The following CNIH3 variants were observed in gnomAD, a reference collection of about 807,000 sequenced individuals.
The protein encoded by CNIH3 is cornichon family AMPA receptor auxiliary protein 3.
CNIH3 carries 14 observed loss-of-function variants against 24.1 expected under a neutral mutation model. The ratio of observed to expected loss-of-function variants is 0.58; its 90% CI spans 0.38 to 0.91. The LOEUF is 0.91. Ranked by LOEUF, CNIH3 falls within the 40% of genes least tolerant of loss-of-function variation. CNIH3 has a pLI of 0.00. For synonymous variants in CNIH3, 68 were observed against 73.8 expected (o/e 0.92, Z 0.40); for missense variants, 178 against 196.8 (o/e 0.90, Z 0.57).
At chr1:224,560,092 T>C (rs918793109) in intron 3 of CNIH3, among the ~76,000 whole-genome samples, 1 of 152,242 alleles carries the variant, frequency 6.6e-6, no homozygotes, top group Admixed American at 6.5e-5. Context: ...TTCACTATGG[T>C]ATGCCATAGA....
At chr1:224,536,284 C>CTTTTTTTTTT (rs373201561) in intron 2 of CNIH3, among the ~76,000 whole-genome samples, 4 of 86,046 alleles carry the variant, frequency 4.6e-5, no homozygotes, top group Admixed American at 1.4e-4. Context: ...TAATTGTTGT[C>CTTTTTTTTTT]TTTTTTTTTT....
chr1:224,510,951 C>T (rs745877165), upstream of CNIH3, among the ~76,000 whole-genome samples: 24 of 152,318 alleles, frequency 1.6e-4, no homozygotes, highest in South Asian at 4.1e-4. Flanking sequence ...GCACTGAACA[C>T]AGCCTGGCTG....
At chr1:224,442,207 C>T (rs549141868) in intron 1 of CNIH3, among the ~76,000 whole-genome samples, 34 of 151,924 alleles carry the variant, frequency 2.2e-4, no homozygotes, top group African/African-American at 6.5e-4. Context: ...GACAGGGTCT[C>T]CCCATGTTGC....
rs148466331 is a variant in CNIH3, at chr1:224,474,623, G to T, written n.203+39761G>T. Among the ~76,000 whole-genome samples the T allele has an allele frequency of 1.7e-3, 258 of 152,114 alleles. 6 individuals carry two copies. In the East Asian group the frequency reaches 0.042, roughly 25 times the overall value. ...GATCAGAGCAGAAATAAGTGAGATT[G>T]AAATGAAGAAAACAATACAAAAGAT... On this transcript the variant is annotated intron_variant and non_coding_transcript_variant, in intron 1 of 5. Transcript: ENST00000471578.
intron 3 of CNIH3, among the ~76,000 whole-genome samples, chr1:224,605,814 C>CA (rs1269489770): frequency 6.6e-6 from 1 of 152,168 alleles, no homozygotes; most frequent in African/African-American, 2.4e-5. Context: ...GCCCCCTGCC[C>CA]ACCAAACTAT....
chr1:224,555,874 C>T (rs540117848), intron 3 of CNIH3, among the ~76,000 whole-genome samples: 10 of 152,298 alleles, frequency 6.6e-5, no homozygotes, highest in East Asian at 1.9e-4. Context: ...GCCATGCTCC[C>T]GGTCATCCTC....
chr1:224,608,455 C>T (rs1027482597), intron 3 of CNIH3, among the ~76,000 whole-genome samples: 8 of 152,088 alleles, frequency 5.3e-5, no homozygotes, highest in African/African-American at 9.7e-5. Context: ...AGGGGGTCCA[C>T]GTGAGAGGGT....
intron 3 of CNIH3, among the ~76,000 whole-genome samples, chr1:224,548,540 C>T (rs774448213): frequency 6.6e-6 from 1 of 151,864 alleles, no homozygotes; most frequent in African/African-American, 2.4e-5. Context: ...CATTTAATAT[C>T]ACTGTCAGTG....
Position 224,567,323 on chromosome 1 carries a change from G to A in CNIH3, n.516+1059G>A, listed in dbSNP as rs534020499. On this transcript the variant is annotated intron_variant and non_coding_transcript_variant, in intron 4 of 5. Transcript: ENST00000471578. ...TTTTCTCCCATTCTGTAGGTTGCCT[G>A]TTCACTCTGATGATAATTTCTTTTA... 3.2e-3 allele frequency among the ~76,000 whole-genome samples: 481 copies of A among 152,262 alleles called. 2 individuals are homozygous for A. Among genetic ancestry groups the A allele is most frequent in the African/African-American group, 0.011 (454 of 41,554 alleles).
chr1:224,711,496 T>C (rs989128051), intron 3 of CNIH3, among the ~76,000 whole-genome samples: 2 of 152,010 alleles, frequency 1.3e-5, no homozygotes, highest in African/African-American at 4.8e-5. Flanking sequence ...CTAACCATTT[T>C]ACTTTTAAGA....
chr1:224,495,044 G>A (rs1211347548), intron 1 of CNIH3, among the ~76,000 whole-genome samples: 2 of 151,896 alleles, frequency 1.3e-5, no homozygotes, highest in Non-Finnish European at 2.9e-5. Context: ...ATGCACACAT[G>A]CACACACACA....
chr1:224,449,253 C>T (rs1572261017), intron 1 of CNIH3, among the ~76,000 whole-genome samples: 1 of 152,130 alleles, frequency 6.6e-6, no homozygotes, highest in African/African-American at 2.4e-5. Context: ...TGTGAGCCAC[C>T]GCACCCGGCC....
At chr1:224,462,635 C>G (rs2102984933) in intron 1 of CNIH3, among the ~76,000 whole-genome samples, 1 of 122,782 alleles carries the variant, frequency 8.1e-6, no homozygotes, top group Non-Finnish European at 1.7e-5. Context: ...GGTCTGGACC[C>G]AATTTTTTTT....
In CNIH3 at chr1:224,730,488, T is replaced by C. The variant is rs745982973; in HGVS notation, c.225T>C (p.His75=). ...TGGTGCTGCCAGAATACTCCATCCA[T>C]AGCCTCTTCTGCATTATGTTCCTGT... ...RKLVLPEYSI[H]SLFCIMFLCA... The change falls in exon 4 of 6, where the codon CAT becomes CAC. Residue 75 remains histidine (H), a synonymous_variant. Coordinates refer to ENST00000272133, the MANE Select transcript of CNIH3 (RefSeq NM_152495.2). The C allele has an allele frequency of 1.3e-6, 2 of 1,560,118 alleles. No homozygotes were observed. Among genetic ancestry groups the C allele is most frequent in the East Asian group, 4.7e-5 (2 of 42,534 alleles).
At chr1:224,448,557 C>A (rs2102959110) in intron 1 of CNIH3, among the ~76,000 whole-genome samples, 1 of 152,284 alleles carries the variant, frequency 6.6e-6, no homozygotes, top group East Asian at 1.9e-4. Flanking sequence ...GACTTCTGAT[C>A]TGTTCTTTCT....
At chr1:224,621,372 C>G (rs776825445) in intron 1 of CNIH3, among the ~76,000 whole-genome samples, 19 of 152,174 alleles carry the variant, frequency 1.2e-4, no homozygotes, top group Non-Finnish European at 2.4e-4. Flanking sequence ...CAGTACCCAC[C>G]TGGAAACAAA....
intron 3 of CNIH3, among the ~76,000 whole-genome samples, chr1:224,705,049 C>T (rs554569088): frequency 1.3e-5 from 2 of 150,328 alleles, no homozygotes; most frequent in South Asian, 2.1e-4. Flanking sequence ...ACCTGGGAGA[C>T]GAAGGTTGCA....
At chr1:224,517,421 C>T (rs953704082) in intron 1 of CNIH3, among the ~76,000 whole-genome samples, 2 of 152,136 alleles carry the variant, frequency 1.3e-5, no homozygotes, top group African/African-American at 4.8e-5. Flanking sequence ...GCGTTTGATG[C>T]CTCGCCTTCC....
At chr1:224,654,549 C>A (rs298733) in intron 1 of CNIH3, among the ~76,000 whole-genome samples, 87,420 of 152,094 alleles carry the variant, frequency 0.57, 27,109 homozygotes, top group African/African-American at 0.81. Context: ...TCAGTAGACA[C>A]TGATTTTAGC....
Sources: gnomAD v4.1 joint callset for allele counts (sites outside exome capture counted in the v4.1 genomes callset) on GRCh38, gnomAD v4.1.1 for gene constraint, MANE v1.5 for transcripts, NCBI Gene and HGNC (gene_info 2026-07-23, HGNC 2026-07-21) for gene names.